SLC1A7: variants seen among roughly 807,000 people sequenced by gnomAD.
SLC1A7 encodes solute carrier family 1 member 7.
In SLC1A7, 40 loss-of-function variants were observed where a neutral mutation model predicts 47.7. That is an observed-to-expected ratio of 0.84 (90% CI 0.65 to 1.09). The LOEUF (loss-of-function observed/expected upper bound fraction) is 1.09. Among genes scored for constraint, SLC1A7 ranks in the 50% least tolerant of loss-of-function variants. The pLI is 0.00. For synonymous variants in SLC1A7, 323 were observed against 325.6 expected, an observed-to-expected ratio of 0.99 and a Z score of 0.09; for missense variants, 746 against 769.5, an observed-to-expected ratio of 0.97 and a Z score of 0.36.
chr1:53,119,257 G>A (rs1382219210), intron 2 of SLC1A7, among the ~76,000 whole-genome samples: 1 of 152,176 alleles, frequency 6.6e-6, no homozygotes, highest in South Asian at 2.1e-4. Flanking sequence ...TCAGAACCTT[G>A]TGGGGTTCCC....
intron 2 of SLC1A7, 183 bp from the exon 3 acceptor site, chr1:53,115,156 C>A (rs539740667): frequency 4.9e-6 from 3 of 612,800 alleles, no homozygotes; most frequent in Non-Finnish European, 5.8e-6. Context: ...CTCTCCCCCA[C>A]GCCCCGGGGC....
At position 53,089,951 on chromosome 1, in the gene SLC1A7, G is replaced by C. The variant is rs1045990523; in HGVS notation, c.1227-17C>G. On this transcript the variant is annotated splice_polypyrimidine_tract_variant and intron_variant, in intron 8 of 10. Transcript: ENST00000371494. ...GCTGTGATACTGCAGGGGGTGGGAA[G>C]GGGAAGAGGAGCAGCAGGAGGGGCA... is the stretch of plus-strand genomic sequence containing the variant. 3.1e-6 allele frequency: 5 copies of C among 1,612,474 alleles called. No individual in the cohort carries two copies. Among genetic ancestry groups the C allele is most frequent in the Non-Finnish European group, 4.2e-6 (5 of 1,179,520 alleles).
At chr1:53,130,245 A>G (rs1386489035) in intron 2 of SLC1A7, among the ~76,000 whole-genome samples, 1 of 152,196 alleles carries the variant, frequency 6.6e-6, no homozygotes, top group Non-Finnish European at 1.5e-5. Context: ...ACTTTAAATT[A>G]AAAGAATTAA....
In SLC1A7 at chr1:53,103,435, G is replaced by C; in HGVS notation, c.608C>G (p.Thr203Ser). The C allele has an allele frequency of 6.2e-7, 1 of 1,612,546 alleles. No homozygotes were observed. Among genetic ancestry groups the C allele is most frequent in the East Asian group, 2.2e-5 (1 of 44,826 alleles). The change falls in exon 5 of 11, where the codon ACC (threonine) becomes AGC (serine). Residue 203 changes from threonine to serine, a missense_variant. Coordinates refer to ENST00000371494, the MANE Select transcript of SLC1A7 (RefSeq NM_006671.6). The part of the protein sequence containing the change: ...SHVQNFALDL[T>S]PPPEVVYKSE... Reference sequence around the variant, plus strand: ...CTTGTAAACGACCTCGGGCGGCGGGGTCAGGTCCAGGGCGAAGTTCTGCAC... The same window carrying C: ...CTTGTAAACGACCTCGGGCGGCGGGCTCAGGTCCAGGGCGAAGTTCTGCAC...
chr1:53,108,416 GC>G (rs1644668013), intron 3 of SLC1A7: 1 of 604,370 alleles, frequency 1.7e-6, no homozygotes, highest in Non-Finnish European at 3.0e-6. Flanking sequence ...ACAGCTAGTT[GC>G]CTATGCAGTC....
At position 53,103,560 on chromosome 1, in the gene SLC1A7, G is replaced by A. The variant is rs1644608192; in HGVS notation, c.483C>T (p.Thr161=). 6.3e-7 allele frequency: 1 copy of A among 1,590,064 alleles called. No homozygotes were observed. Among genetic ancestry groups the A allele is most frequent in the Non-Finnish European group, 8.6e-7 (1 of 1,166,412 alleles). Residue 161 remains threonine (T), a synonymous_variant, in exon 5 of 11, where the codon ACC becomes ACT. Transcript: ENST00000371494. ...GGGACTTGACAACTGGGGTGGTCTT[G>A]GTGCGGTACTGGTGGGTGACACCCC... ...LVEATFKQYR[T]KTTPVVKSPK... is the part of the protein sequence containing the mutation.
rs561799402 is a variant in SLC1A7 at position 53,110,287 on chromosome 1, G to A, written c.431+4471C>T. On this transcript the variant is annotated intron_variant, in intron 3 of 10. Coordinates refer to ENST00000371494, the MANE Select transcript of SLC1A7 (RefSeq NM_006671.6). ...ACAGTAACTTATTATTATCAGAGTGGAGATGAGGCCACAGGTCTCCTAGGT... is the reference window on the plus strand; with the variant it reads ...ACAGTAACTTATTATTATCAGAGTGAAGATGAGGCCACAGGTCTCCTAGGT... 3.9e-5 allele frequency among the ~76,000 whole-genome samples: 6 copies of A among 152,334 alleles called. No individual in the cohort carries two copies. The East Asian group carries it at 7.7e-4, about 20-fold the overall frequency.
intron 5 of SLC1A7, among the ~76,000 whole-genome samples, chr1:53,099,958 T>G (rs1644552976): frequency 6.7e-6 from 1 of 148,258 alleles, no homozygotes; most frequent in African/African-American, 2.5e-5. Flanking sequence ...ACCACCTCGT[T>G]ATACTCACAC....
At chr1:53,095,986 A>T (rs574590119) in intron 5 of SLC1A7, among the ~76,000 whole-genome samples, 1 of 147,378 alleles carries the variant, frequency 6.8e-6, no homozygotes, top group South Asian at 2.2e-4. Context: ...CCACCTTGGT[A>T]CACACACACC....
intron 7 of SLC1A7, 56 bp downstream of exon 7, chr1:53,092,498 C>T (rs1405529730): frequency 1.2e-5 from 16 of 1,287,670 alleles, no homozygotes; most frequent in East Asian, 9.6e-5. Context: ...GCTGGACAGA[C>T]GGACAGGGCT....
At chr1:53,108,716 G>T in intron 3 of SLC1A7, 1 of 714,656 alleles carries the variant, frequency 1.4e-6, no homozygotes, top group Non-Finnish European at 2.6e-6. Flanking sequence ...GCTAAGCATG[G>T]CACGGCACAC....
At chr1:53,113,011 C>T (rs1056745893) in intron 3 of SLC1A7, among the ~76,000 whole-genome samples, 1 of 151,898 alleles carries the variant, frequency 6.6e-6, no homozygotes, top group Non-Finnish European at 1.5e-5. Flanking sequence ...GCAGGCAGAG[C>T]AGGAAAGAGA....
At chr1:53,142,261 C>G in intron 1 of SLC1A7, 54 bp downstream of exon 1, 1 of 1,531,214 alleles carries the variant, frequency 6.5e-7, no homozygotes, top group Non-Finnish European at 8.8e-7. Flanking sequence ...CCAGATCCCT[C>G]AGGCCCACAC....
chr1:53,129,499 CAGTTGGA>C (rs1229928437), intron 2 of SLC1A7, among the ~76,000 whole-genome samples: 184 of 106,900 alleles, frequency 1.7e-3, no homozygotes, highest in Middle Eastern at 6.1e-3. Flanking sequence ...GGGCTGCACT[CAGTTGGA>C]CTGAAGCACA....
intron 8 of SLC1A7, 86 bp downstream of exon 8, chr1:53,090,526 C>T: frequency 6.9e-7 from 1 of 1,450,762 alleles, no homozygotes; most frequent in Non-Finnish European, 9.1e-7. Context: ...TCGCTCGCTT[C>T]AGATACCCCT....
At chr1:53,097,674 C>T (rs879579211) in intron 5 of SLC1A7, among the ~76,000 whole-genome samples, 79 of 150,730 alleles carry the variant, frequency 5.2e-4, no homozygotes, top group African/African-American at 1.3e-3. Flanking sequence ...TCAGTACACT[C>T]GCTCTGCCTC....
chr1:53,132,488 C>T (rs72670883), intron 2 of SLC1A7, among the ~76,000 whole-genome samples: 32,403 of 151,946 alleles, frequency 0.21, 3,556 homozygotes, highest in Middle Eastern at 0.32. Flanking sequence ...CTGCCATTTG[C>T]AGACAAGAAG....
chr1:53,126,058 G>T (rs1170229376), intron 2 of SLC1A7, among the ~76,000 whole-genome samples: 1 of 152,224 alleles, frequency 6.6e-6, no homozygotes, highest in Non-Finnish European at 1.5e-5. Flanking sequence ...GTATAGTTTT[G>T]TGTAAGTTCA....
At chr1:53,137,685 G>T (rs765984413) in intron 1 of SLC1A7, among the ~76,000 whole-genome samples, 62 of 152,218 alleles carry the variant, frequency 4.1e-4, no homozygotes, top group Admixed American at 8.5e-4. Context: ...TGTTTTCTGG[G>T]AATCACCCAC....
Sources: allele counts gnomAD v4.1 joint callset (sites outside exome capture counted in the v4.1 genomes callset), GRCh38; gene constraint gnomAD v4.1.1; transcripts MANE v1.5; gene names NCBI Gene and HGNC (gene_info 2026-07-23, HGNC 2026-07-21).